The following CCDC91 variants were observed in gnomAD, a reference collection of about 807,000 sequenced individuals.
CCDC91 encodes coiled-coil domain-containing protein 91.
CCDC91 carries 48 observed loss-of-function variants against 63.2 expected under a neutral mutation model. That is an observed-to-expected ratio of 0.76 (90% CI 0.60 to 0.97). The LOEUF is 0.97. CCDC91 is among the 50% of genes least tolerant of loss of function. The pLI is 0.00. For synonymous variants in CCDC91, 167 were observed against 165.8 expected (o/e 1.01, Z -0.06); for missense variants, 500 against 494.6 (o/e 1.01, Z -0.10).
chr12:28,305,631 G>A lies in CCDC91; in HGVS notation c.110-18G>A. On this transcript the variant is annotated intron_variant, in intron 3 of 12. Transcript: ENST00000536442. ...CTTTAATAATCCTATCCTTTTTGTT[G>A]TTGTTGTTTTTCTTTAGTATCTGGA... 1 of 1,591,316 alleles carries A rather than the reference G, an allele frequency of 6.3e-7. No individual in the cohort carries two copies.
chr12:28,304,375 T>TAAAAAACAAAAAAA (rs1938429755), intron 3 of CCDC91, among the ~76,000 whole-genome samples: 1 of 73,596 alleles, frequency 1.4e-5, no homozygotes, highest in Non-Finnish European at 2.5e-5. Context: ...AGACTCCGTC[T>TAAAAAACAAAAAAA]AAAAAAAAAA....
chr12:28,289,484 A>C (rs1229160910), intron 3 of CCDC91, among the ~76,000 whole-genome samples: 1 of 151,984 alleles, frequency 6.6e-6, no homozygotes, highest in East Asian at 1.9e-4. Flanking sequence ...ATGTATTTGA[A>C]TGGTGTTGAG....
intron 12 of CCDC91, among the ~76,000 whole-genome samples, chr12:28,532,941 T>C (rs926618053): frequency 6.6e-6 from 1 of 152,068 alleles, no homozygotes; most frequent in Non-Finnish European, 1.5e-5. Flanking sequence ...GAAAATAATA[T>C]TGAGATGGGT....
rs114838456 is a variant in CCDC91 at position 28,376,095 on chromosome 12, T to C, written c.654+13580T>C. Among the ~76,000 whole-genome samples, 703 of 151,988 alleles carry C rather than the reference T, an allele frequency of 4.6e-3. 8 individuals are homozygous for C. The highest frequency in any genetic ancestry group is 0.014 in the African/African-American group (593 of 41,564). On this transcript the variant is annotated intron_variant, in intron 7 of 12. Transcript: ENST00000536442. ...TGAATCTGTAGATGTAGGTAGGGGCTAGACATTTGTCGAGTTTTTCTTTTT... is the reference window on the plus strand; with the variant it reads ...TGAATCTGTAGATGTAGGTAGGGGCCAGACATTTGTCGAGTTTTTCTTTTT...
chr12:28,438,220 A>G (rs980459876), intron 8 of CCDC91, among the ~76,000 whole-genome samples: 59 of 152,108 alleles, frequency 3.9e-4, no homozygotes, highest in African/African-American at 1.3e-3. Flanking sequence ...TGTAATGTCC[A>G]TATCTCCGGT....
At chr12:28,305,007 C>T (rs886180699) in intron 3 of CCDC91, among the ~76,000 whole-genome samples, 29 of 152,190 alleles carry the variant, frequency 1.9e-4, no homozygotes, top group African/African-American at 6.7e-4. Context: ...TCTGTATGGA[C>T]AATTCAGCAA....
At chr12:28,350,944 A>C (rs1309243440) in intron 6 of CCDC91, among the ~76,000 whole-genome samples, 3 of 152,136 alleles carry the variant, frequency 2.0e-5, no homozygotes, top group Non-Finnish European at 1.5e-5. Flanking sequence ...CCTATTTCCA[A>C]ATAAGATTGC....
chr12:28,259,438 T>C lies in CCDC91; in HGVS notation c.105T>C (p.Pro35=), dbSNP rs1325360987. ...CTGCTATTCCTTGGGCTGCCTTTCCTGCAGGTATTGGTATCCAGGAATTAG... is the reference window on the plus strand; with the variant it reads ...CTGCTATTCCTTGGGCTGCCTTTCCCGCAGGTATTGGTATCCAGGAATTAG... ...TSPAIPWAAF[P]AVSGVHLSPS... The change falls in exon 3 of 13, where the codon CCT becomes CCC. Residue 35 remains proline, a synonymous_variant. Transcript: ENST00000536442. 13 of 1,578,180 alleles carry C rather than the reference T, an allele frequency of 8.2e-6. No individual in the cohort carries two copies. In the South Asian group the frequency reaches 1.4e-4, roughly 17 times the overall value.
chr12:28,222,974 A>G (rs938696473), intron 1 of CCDC91, among the ~76,000 whole-genome samples: 11 of 152,274 alleles, frequency 7.2e-5, no homozygotes, highest in Middle Eastern at 3.4e-3. Context: ...CTATTTTTCC[A>G]TTCTTCTTAT....
At chr12:28,504,325 G>T (rs1393685017) in intron 12 of CCDC91, among the ~76,000 whole-genome samples, 6 of 151,696 alleles carry the variant, frequency 4.0e-5, no homozygotes, top group Non-Finnish European at 8.8e-5. Flanking sequence ...AGAGTTTTGA[G>T]TTCTGTTGCA....
chr12:28,246,993 A>G (rs181974753), intron 1 of CCDC91, among the ~76,000 whole-genome samples: 1 of 152,206 alleles, frequency 6.6e-6, no homozygotes, highest in African/African-American at 2.4e-5. Context: ...CTTAGAGTGT[A>G]ATACCTTAGA....
intron 6 of CCDC91, among the ~76,000 whole-genome samples, chr12:28,336,769 A>G (rs1942013616): frequency 6.6e-6 from 1 of 152,094 alleles, no homozygotes. Context: ...CAGATCACCT[A>G]TCTGCCCCTA....
intron 11 of CCDC91, among the ~76,000 whole-genome samples, chr12:28,453,260 C>G (rs1274415418): frequency 6.6e-6 from 1 of 151,870 alleles, no homozygotes; most frequent in Non-Finnish European, 1.5e-5. Context: ...TTGCACAGTT[C>G]TATTTTACTT....
chr12:28,420,707 A>G (rs560475563), intron 8 of CCDC91, among the ~76,000 whole-genome samples: 49 of 150,136 alleles, frequency 3.3e-4, no homozygotes, highest in Admixed American at 3.1e-3. Context: ...TATAGATTAT[A>G]TGACATCTTC....
chr12:28,334,040 A>G (rs1005737348), intron 6 of CCDC91, among the ~76,000 whole-genome samples: 3 of 148,416 alleles, frequency 2.0e-5, no homozygotes, highest in African/African-American at 4.9e-5. Flanking sequence ...GGCAGAATTT[A>G]TGTGTGTGTG....
intron 11 of CCDC91, among the ~76,000 whole-genome samples, chr12:28,478,552 G>A (rs552402020): frequency 7.9e-5 from 12 of 152,240 alleles, no homozygotes; most frequent in Admixed American, 1.3e-4. Context: ...ATAGGCATGG[G>A]CAAGGACTTC....
At chr12:28,341,396 CCATAT>C (rs1942412986) in intron 6 of CCDC91, among the ~76,000 whole-genome samples, 1 of 152,160 alleles carries the variant, frequency 6.6e-6, no homozygotes, top group African/African-American at 2.4e-5. Context: ...GGCCCCCCTC[CCATAT>C]CATCACTTTG....
chr12:28,228,088 C>T (rs1376860725), intron 1 of CCDC91, among the ~76,000 whole-genome samples: 1 of 152,008 alleles, frequency 6.6e-6, no homozygotes, highest in Non-Finnish European at 1.5e-5. Flanking sequence ...TTCTAGCCAC[C>T]TATCTAGTAA....
intron 6 of CCDC91, among the ~76,000 whole-genome samples, chr12:28,319,639 A>T (rs1389667819): frequency 1.3e-5 from 2 of 151,870 alleles, no homozygotes; most frequent in African/African-American, 4.8e-5. Context: ...GATTAGTTAT[A>T]ATACCTAATA....
Sources: allele counts gnomAD v4.1 joint callset (sites outside exome capture counted in the v4.1 genomes callset), GRCh38; gene constraint gnomAD v4.1.1; transcripts MANE v1.5; gene names NCBI Gene and HGNC (gene_info 2026-07-23, HGNC 2026-07-21).